The following UNC79 variants were observed in gnomAD, a reference collection of about 807,000 sequenced individuals.
UNC79 encodes the protein protein unc-79 homolog.
Under a neutral mutation model 283.1 loss-of-function variants are expected in UNC79, and 37 were observed. The ratio of observed to expected loss-of-function variants is 0.13; its 90% CI spans 0.10 to 0.17. The LOEUF (loss-of-function observed/expected upper bound fraction) is 0.17, where lower values mean the gene tolerates loss of function less well. Among genes scored for constraint, UNC79 ranks in the 10% least tolerant of loss-of-function variants. UNC79 has a pLI of 1.00. For synonymous variants in UNC79, 1,107 were observed against 1,200.2 expected, an observed-to-expected ratio of 0.92 and a Z score of 1.61; for missense variants, 2,272 against 3,211.1, an observed-to-expected ratio of 0.71 and a Z score of 7.07.
chr14:93,602,104 T>G (rs928082560), intron 25 of UNC79, among the ~76,000 whole-genome samples: 1 of 152,214 alleles, frequency 6.6e-6, no homozygotes, highest in Non-Finnish European at 1.5e-5. Context: ...CTTTTTAGTT[T>G]AATTAGGCTC....
At chr14:93,508,436 T>C (rs1173612089) in intron 7 of UNC79, among the ~76,000 whole-genome samples, 1 of 152,168 alleles carries the variant, frequency 6.6e-6, no homozygotes, top group Non-Finnish European at 1.5e-5. Context: ...TGCTGGGATT[T>C]TAATCTGGAT....
intron 35 of UNC79, 113 bp from the exon 39 acceptor site, chr14:93,653,629 G>A: frequency 1.1e-6 from 1 of 890,076 alleles, no homozygotes; most frequent in Non-Finnish European, 1.8e-6. Flanking sequence ...GAACATGACA[G>A]TGAGCTATCC....
intron 35 of UNC79, 146 bp from the exon 39 acceptor site, chr14:93,653,596 G>A (rs2070559724): frequency 6.6e-6 from 5 of 757,012 alleles, no homozygotes; most frequent in Admixed American, 2.4e-5. Flanking sequence ...TTAGGTTTGA[G>A]TAGAATATTT....
chr14:93,357,739 A>G (rs1313649626), intron 1 of UNC79, among the ~76,000 whole-genome samples: 1 of 137,028 alleles, frequency 7.3e-6, no homozygotes, highest in Admixed American at 7.5e-5. Context: ...GGATGTATAT[A>G]TATATATGGA....
intron 1 of UNC79, among the ~76,000 whole-genome samples, chr14:93,388,515 T>C (rs1383576345): frequency 6.6e-6 from 1 of 152,230 alleles, no homozygotes; most frequent in Non-Finnish European, 1.5e-5. Context: ...AAATTGTATA[T>C]GCACTTTTAA....
rs1277304888 is a variant in UNC79 at position 93,653,695 on chromosome 14, C to T, written c.6084-47C>T. 4 of 1,547,444 alleles carry T rather than the reference C, an allele frequency of 2.6e-6. No homozygotes were observed. The African/African-American group carries it at 5.4e-5, about 21-fold the overall frequency. On this transcript the variant is annotated intron_variant, in intron 35 of 48. Transcript: ENST00000555664. ...CTCTAAGTAAATATCTGAACACCTG[C>T]TCACTGGCCCATGACTTCGTGTCTT...
chr14:93,417,334 A>T (rs2055485349), intron 1 of UNC79, among the ~76,000 whole-genome samples: 3 of 152,324 alleles, frequency 2.0e-5, no homozygotes, highest in Admixed American at 1.3e-4. Context: ...TTCTTTAAGA[A>T]TGTTGAATAT....
At chr14:93,425,989 C>T (rs1033518922), upstream of UNC79, among the ~76,000 whole-genome samples, 3 of 152,154 alleles carry the variant, frequency 2.0e-5, no homozygotes, top group African/African-American at 7.2e-5. Flanking sequence ...ATTACTATTT[C>T]CTATAGTGCA....
intron 26 of UNC79, 36 bp downstream of exon 27, chr14:93,604,997 TG>T (rs762665400): frequency 5.2e-6 from 8 of 1,551,172 alleles, no homozygotes; most frequent in Non-Finnish European, 6.9e-6. Flanking sequence ...CATGTACAAG[TG>T]TCTATCACAG....
chr14:93,404,493 A>AAAAAAAAAAAATAT lies in UNC79; in HGVS notation c.-350-63177_-350-63176insAAAAAAAAAATATA. ...TGACAGAGTGAGACCTTCTAAAAAA[A>AAAAAAAAAAAATAT]ATATATATATATATATATATAAATA... On this transcript the variant is annotated intron_variant, in intron 1 of 49. Coordinates refer to the UNC79 transcript ENST00000256339. 2.4e-3 allele frequency among the ~76,000 whole-genome samples: 145 copies of AAAAAAAAAAAATAT among 61,486 alleles called. 2 individuals are homozygous for AAAAAAAAAAAATAT. The East Asian group carries it at 0.024, about 10-fold the overall frequency. The allele number at this position is 61,486 out of a possible 152,430, so 40.3% of individuals were successfully genotyped here.
At chr14:93,348,294 T>C in intron 1 of UNC79, 1 of 508,224 alleles carries the variant, frequency 2.0e-6, no homozygotes, top group Non-Finnish European at 3.5e-6. Flanking sequence ...TATATAGATG[T>C]ATAGTCAAAA....
upstream of UNC79, among the ~76,000 whole-genome samples, chr14:93,429,983 C>CCCGA (rs1254409074): frequency 6.6e-6 from 1 of 152,190 alleles, no homozygotes; most frequent in Non-Finnish European, 1.5e-5. Flanking sequence ...TCTGGTTCTT[C>CCCGA]CCGACTCCAA....
At chr14:93,457,113 AT>A (rs1446047567) in intron 1 of UNC79, among the ~76,000 whole-genome samples, 1 of 152,218 alleles carries the variant, frequency 6.6e-6, no homozygotes, top group Non-Finnish European at 1.5e-5. Flanking sequence ...AGGAAAATAA[AT>A]TCTAAACTGC....
chr14:93,691,960 C>T lies in UNC79; in HGVS notation c.7470+14C>T, dbSNP rs764530279. 25 of 1,612,830 alleles carry T rather than the reference C, an allele frequency of 1.6e-5. No individual in the cohort carries two copies. Among genetic ancestry groups the T allele is most frequent in the Admixed American group, 3.3e-5 (2 of 59,988 alleles). On this transcript the variant is annotated intron_variant, in intron 46 of 48. Coordinates refer to ENST00000555664, the Ensembl canonical transcript of UNC79. ...CATAACAAAGTGGTGAGTTCACAGA[C>T]GAGTTTCCCTTCTGAGATGGAATCT...
At chr14:93,603,963 A>G (rs1291434779) in intron 26 of UNC79, among the ~76,000 whole-genome samples, 1 of 152,216 alleles carries the variant, frequency 6.6e-6, no homozygotes, top group South Asian at 2.1e-4. Context: ...ATTTATAAAT[A>G]AAAATAAGCT....
intron 22 of UNC79, among the ~76,000 whole-genome samples, chr14:93,587,444 A>G (rs1306347274): frequency 2.0e-5 from 3 of 152,224 alleles, no homozygotes; most frequent in Non-Finnish European, 4.4e-5. Context: ...AATCAGAAAC[A>G]TCCTTATTTT....
At position 93,622,538 on chromosome 14, in the gene UNC79, A is replaced by G. The variant is rs766379511; in HGVS notation, c.5305A>G (p.Thr1769Ala). 5.0e-6 allele frequency: 8 copies of G among 1,613,840 alleles called. No individual in the cohort carries two copies. In the East Asian group the frequency reaches 1.1e-4, roughly 22 times the overall value. The change falls in exon 30 of 49, where the codon ACT (threonine) becomes GCT (alanine). Residue 1769 changes from threonine to alanine, a missense_variant. Transcript: ENST00000555664. ...GCTGGATGATCACCCTGACCCGGGC[A>G]CTGAGGGGGAGAAGCCTGGGGAGCT...
At chr14:93,661,689 C>G (rs1472899333) in intron 39 of UNC79, among the ~76,000 whole-genome samples, 2 of 152,192 alleles carry the variant, frequency 1.3e-5, no homozygotes, top group Admixed American at 6.5e-5. Flanking sequence ...TAATGAAGAT[C>G]ATAGCTAACA....
intron 26 of UNC79, among the ~76,000 whole-genome samples, chr14:93,604,341 C>A (rs1394423398): frequency 6.6e-6 from 1 of 152,146 alleles, no homozygotes; most frequent in Admixed American, 6.5e-5. Flanking sequence ...CATTTATAAT[C>A]ATAAATATGA....
Sources: allele counts gnomAD v4.1 joint callset (sites outside exome capture counted in the v4.1 genomes callset), GRCh38; gene constraint gnomAD v4.1.1; transcripts MANE v1.5; gene names NCBI Gene and HGNC (gene_info 2026-07-23, HGNC 2026-07-21).